Variants in MAP3K7 observed in about 807,000 individuals in gnomAD.
MAP3K7 encodes mitogen-activated protein kinase kinase kinase 7.
In MAP3K7, 21 loss-of-function variants were observed where a neutral mutation model predicts 84.8. The ratio of observed to expected loss-of-function variants is 0.25; its 90% CI spans 0.18 to 0.36. The LOEUF (loss-of-function observed/expected upper bound fraction) is 0.36. Ranked by LOEUF, MAP3K7 falls within the 10% of genes least tolerant of loss-of-function variation. The probability of loss-of-function intolerance (pLI) is 1.00; values close to 1 mark genes in which losing one functional copy is unlikely to be tolerated. For synonymous variants in MAP3K7, 241 were observed against 247.7 expected, an observed-to-expected ratio of 0.97 and a Z score of 0.25; for missense variants, 503 against 747.7, an observed-to-expected ratio of 0.67 and a Z score of 3.82.
intron 1 of MAP3K7, among the ~76,000 whole-genome samples, chr6:90,580,390 G>C (rs1777230124): frequency 6.6e-6 from 1 of 152,198 alleles, no homozygotes; most frequent in African/African-American, 2.4e-5. Flanking sequence ...CAAATTTCTA[G>C]TCCAAGTTCA....
Position 90,516,505 on chromosome 6 carries a change from G to C in MAP3K7, c.1817C>G (p.Ser606Ter). The C allele has an allele frequency of 6.2e-7, 1 of 1,610,108 alleles. No individual in the cohort carries two copies. The highest frequency in any genetic ancestry group is 8.5e-7 in the Non-Finnish European group (1 of 1,178,464). Residue 606 changes from serine (S) to a stop codon, truncating the protein, a stop_gained, in exon 17 of 17, where the codon TCA (serine) becomes TGA (stop). Transcript: ENST00000369329. LOFTEE classifies it high-confidence loss of function. ...AAATGTAACGGTCCCAGAGAATCAT[G>C]AAGTGCCTTGTCGTTTCTGCTGCTG... ...RSQQQKRQGT[S>*]
At chr6:90,529,639 T>G (rs1201543806) in intron 13 of MAP3K7, among the ~76,000 whole-genome samples, 2 of 152,172 alleles carry the variant, frequency 1.3e-5, no homozygotes, top group African/African-American at 4.8e-5. Flanking sequence ...TATCTATCTA[T>G]AAGGTTATAA....
chr6:90,542,328 C>T (rs1775879099), intron 12 of MAP3K7: 1 of 983,890 alleles, frequency 1.0e-6, no homozygotes, highest in African/African-American at 1.7e-5. Context: ...AAAGAAAGTG[C>T]ACCTGAGTAA....
At chr6:90,556,048 C>G (rs968997432) in intron 6 of MAP3K7, among the ~76,000 whole-genome samples, 3 of 152,174 alleles carry the variant, frequency 2.0e-5, no homozygotes, top group African/African-American at 7.2e-5. Context: ...AAAAGGACAC[C>G]TGCTTACAGC....
At position 90,585,839 on chromosome 6, in the gene MAP3K7, C is replaced by T. The variant is rs112261318; in HGVS notation, c.120+925G>A. 1.1e-3 allele frequency among the ~76,000 whole-genome samples: 160 copies of T among 152,278 alleles called. 1 individual carries two copies. The highest frequency in any genetic ancestry group is 3.5e-3 in the African/African-American group (144 of 41,556). ...TATGCTACTTGAAACATCTTTTGAT[C>T]GTAGACCAGTCTATGTTACTTATGG... On this transcript the variant is annotated intron_variant, in intron 1 of 16. Transcript: ENST00000369329.
At chr6:90,545,546 AGGGTATGTCCC>A (rs1193475468) in intron 11 of MAP3K7, among the ~76,000 whole-genome samples, 1 of 152,154 alleles carries the variant, frequency 6.6e-6, no homozygotes, top group Non-Finnish European at 1.5e-5. Context: ...TCAAAGCATG[AGGGTATGTCCC>A]GGTGAGTAGG....
intron 2 of MAP3K7, 58 bp from the exon 3 acceptor site, chr6:90,568,681 C>T: frequency 8.0e-7 from 1 of 1,242,268 alleles, no homozygotes. Flanking sequence ...ACTGATTTCA[C>T]AGTATCATTA....
chr6:90,583,301 GT>G (rs1777340517), intron 1 of MAP3K7, among the ~76,000 whole-genome samples: 1 of 152,150 alleles, frequency 6.6e-6, no homozygotes, highest in South Asian at 2.1e-4. Context: ...CCCATATTAG[GT>G]TTGGTTATAG....
intron 3 of MAP3K7, among the ~76,000 whole-genome samples, chr6:90,563,765 G>A (rs966182191): frequency 6.6e-6 from 1 of 152,120 alleles, no homozygotes; most frequent in Non-Finnish European, 1.5e-5. Context: ...ATACATAATC[G>A]TCAGATTCAC....
At chr6:90,546,243 A>T (rs1562091686) in intron 11 of MAP3K7, among the ~76,000 whole-genome samples, 1 of 152,126 alleles carries the variant, frequency 6.6e-6, no homozygotes, top group Non-Finnish European at 1.5e-5. Context: ...CATCTTGACA[A>T]CTTCTTTCTG....
chr6:90,551,965 A>G, intron 8 of MAP3K7, 84 bp downstream of exon 8: 3 of 1,446,222 alleles, frequency 2.1e-6, no homozygotes, highest in South Asian at 1.4e-5. Context: ...GAATATAGTA[A>G]TAACATCCCT....
At chr6:90,578,984 C>T (rs1562112279) in intron 1 of MAP3K7, among the ~76,000 whole-genome samples, 1 of 151,996 alleles carries the variant, frequency 6.6e-6, no homozygotes, top group Non-Finnish European at 1.5e-5. Context: ...TTTTTTATTC[C>T]TACCTTAGAG....
chr6:90,583,879 T>A lies in MAP3K7; in HGVS notation c.120+2885A>T, dbSNP rs183354794. On this transcript the variant is annotated intron_variant, in intron 1 of 16. Coordinates refer to ENST00000369329, the MANE Select transcript of MAP3K7 (RefSeq NM_145331.3). ...CACTAAATGATGTTTAAAAAGTACC[T>A]AGGCAGATTTCTGAGGCTGAGACCT... Among the ~76,000 whole-genome samples the A allele has an allele frequency of 1.9e-3, 286 of 152,296 alleles. 2 individuals are homozygous for A. The Middle Eastern group carries it at 0.024, about 13-fold the overall frequency.
intron 2 of MAP3K7, among the ~76,000 whole-genome samples, chr6:90,571,009 T>C (rs1776881444): frequency 6.6e-6 from 1 of 152,140 alleles, no homozygotes; most frequent in Non-Finnish European, 1.5e-5. Context: ...ATTAAAAATA[T>C]GAAGTATATT....
At chr6:90,567,405 A>G (rs1204412389) in intron 3 of MAP3K7, among the ~76,000 whole-genome samples, 1 of 152,260 alleles carries the variant, frequency 6.6e-6, no homozygotes, top group East Asian at 1.9e-4. Flanking sequence ...TGGGCAAAGG[A>G]TATGAACAGA....
chr6:90,523,886 C>A (rs1775236804), intron 13 of MAP3K7, 103 bp from the exon 14 acceptor site: 4 of 668,318 alleles, frequency 6.0e-6, no homozygotes, highest in Non-Finnish European at 8.1e-6. Context: ...GAGATCCCCC[C>A]AAAACTCTTG....
intron 13 of MAP3K7, among the ~76,000 whole-genome samples, chr6:90,526,259 T>C (rs1775318061): frequency 6.6e-6 from 1 of 152,160 alleles, no homozygotes; most frequent in Non-Finnish European, 1.5e-5. Context: ...AATCTAAACA[T>C]AAGTGACTTT....
chr6:90,517,285 G>A (rs1187276010), intron 16 of MAP3K7, among the ~76,000 whole-genome samples: 2 of 151,774 alleles, frequency 1.3e-5, no homozygotes, highest in Non-Finnish European at 2.9e-5. Flanking sequence ...ACTTATTTAA[G>A]TCCCTCTTAT....
intron 14 of MAP3K7, among the ~76,000 whole-genome samples, chr6:90,522,955 A>G (rs983895480): frequency 2.2e-4 from 34 of 152,212 alleles, no homozygotes; most frequent in Admixed American, 1.6e-3. Flanking sequence ...AAAAAATTTC[A>G]TAAGTACACT....
Sources: allele counts gnomAD v4.1 joint callset (sites outside exome capture counted in the v4.1 genomes callset), GRCh38; gene constraint gnomAD v4.1.1; transcripts MANE v1.5; gene names NCBI Gene and HGNC (gene_info 2026-07-23, HGNC 2026-07-21).